The following PZP variants were observed in gnomAD, a reference collection of about 807,000 sequenced individuals.
The protein encoded by PZP is pregnancy zone protein.
A neutral mutation model predicts 179.8 loss-of-function variants in PZP; 150 were observed. That is an observed-to-expected ratio of 0.83 (90% confidence interval 0.73 to 0.96). The LOEUF is 0.96. Ranked by LOEUF, PZP falls within the 40% of genes least tolerant of loss-of-function variation. The probability of loss-of-function intolerance (pLI) is 0.00; values close to 1 mark genes in which losing one functional copy is unlikely to be tolerated. For synonymous variants in PZP, 624 were observed against 652.3 expected, an observed-to-expected ratio of 0.96 and a Z score of 0.66; for missense variants, 1,689 against 1,764.0, an observed-to-expected ratio of 0.96 and a Z score of 0.76.
At chr12:9,206,592 C>G (rs1025494157) in intron 1 of PZP, among the ~76,000 whole-genome samples, 1 of 152,118 alleles carries the variant, frequency 6.6e-6, no homozygotes, top group Admixed American at 6.5e-5. Flanking sequence ...CCCCTGAAAC[C>G]TTCATCTTTC....
rs754562239 is a variant in PZP, at chr12:9,166,085, G to C, written c.2225C>G (p.Pro742Arg). The change falls in exon 18 of 36, where the codon CCT becomes CGT. Residue 742 changes from proline (P) to arginine (R), a missense_variant. Physicochemically the swap from Pro to Arg is moderately radical, Grantham distance 103. Coordinates refer to ENST00000261336, the MANE Select transcript of PZP (RefSeq NM_002864.3). ...CACCAACTCCCAGATCCAAGTCTCA[G>C]GAAAATAGCTTCGCACCGTTTCAGG... ...PVPETVRSYF[P>R]ETWIWELVAV... is the part of the protein sequence containing the mutation. 1 of 1,610,908 alleles carries C rather than the reference G, an allele frequency of 6.2e-7. No individual in the cohort carries two copies. The highest frequency in any genetic ancestry group is 1.1e-5 in the South Asian group (1 of 89,936).
chr12:9,163,110 A>G (rs1418772842), intron 21 of PZP, among the ~76,000 whole-genome samples: 2 of 152,178 alleles, frequency 1.3e-5, no homozygotes, highest in African/African-American at 2.4e-5. Context: ...GGGAAGAGAT[A>G]ATAAGGGCAG....
At chr12:9,137,295 C>T in the PZP span, among the ~76,000 whole-genome samples, 1 of 152,042 alleles carries the variant, frequency 6.6e-6, no homozygotes, top group Admixed American at 6.5e-5. Flanking sequence ...TATCCATTCC[C>T]CCTAGTGTAT....
intron 1 of PZP, 77 bp from the exon 2 acceptor site, chr12:9,204,028 C>T (rs773192525): frequency 7.4e-7 from 1 of 1,346,100 alleles, no homozygotes; most frequent in Non-Finnish European, 1.0e-6. Context: ...GTTTTCATAA[C>T]AATATGTATT....
At chr12:9,154,067 T>C (rs1460113047) in intron 29 of PZP, among the ~76,000 whole-genome samples, 1 of 152,190 alleles carries the variant, frequency 6.6e-6, no homozygotes, top group East Asian at 1.9e-4. Flanking sequence ...TCCAAAAAGA[T>C]CAAAGTGGAT....
intron 1 of PZP, among the ~76,000 whole-genome samples, chr12:9,207,336 A>G (rs187798766): frequency 3.7e-4 from 57 of 152,324 alleles, no homozygotes; most frequent in African/African-American, 1.2e-3. Context: ...CCTATGTGCT[A>G]TTATTGGACC....
intron 15 of PZP, among the ~76,000 whole-genome samples, chr12:9,178,765 G>A (rs1033696453): frequency 6.6e-6 from 1 of 152,164 alleles, no homozygotes; most frequent in Non-Finnish European, 1.5e-5. Flanking sequence ...TGGGTTCAGT[G>A]CTATCCACAG....
chr12:9,182,110 G>A lies in PZP; in HGVS notation c.1554C>T (p.Gly518=), dbSNP rs776031169. ...TLPVESGDMK[G]SFALSFPVES... is the part of the protein sequence containing the mutation. ...CCACAGGGAAGGATAAGGCAAAACT[G>A]CCTTTCACTGGAACATGGAGAGAGT... is the stretch of plus-strand genomic sequence containing the variant. The change falls in exon 14 of 36, where the codon GGC becomes GGT. Residue 518 remains glycine, a synonymous_variant. Coordinates refer to ENST00000261336, the MANE Select transcript of PZP (RefSeq NM_002864.3). 18 of 1,612,944 alleles carry A rather than the reference G, an allele frequency of 1.1e-5. No homozygotes were observed. Among genetic ancestry groups the A allele is most frequent in the Non-Finnish European group, 1.4e-5 (17 of 1,179,622 alleles).
intron 13 of PZP, among the ~76,000 whole-genome samples, chr12:9,182,790 T>C (rs1942855061): frequency 6.6e-6 from 1 of 152,228 alleles, no homozygotes; most frequent in Non-Finnish European, 1.5e-5. Flanking sequence ...CTTGAGTAGA[T>C]GGCCCACATT....
At chr12:9,168,772 T>C in intron 17 of PZP, 97 bp downstream of exon 17, 1 of 893,478 alleles carries the variant, frequency 1.1e-6, no homozygotes, top group Non-Finnish European at 1.8e-6. Context: ...TTTGTGTGTA[T>C]AAAGTGGAAA....
intron 30 of PZP, 41 bp downstream of exon 30, chr12:9,153,084 G>A: frequency 6.2e-7 from 1 of 1,609,716 alleles, no homozygotes; most frequent in Non-Finnish European, 8.5e-7. Flanking sequence ...CAATTGGCAA[G>A]TTTAAAGTTG....
intron 13 of PZP, among the ~76,000 whole-genome samples, chr12:9,186,154 A>G (rs1362628438): frequency 6.6e-6 from 1 of 152,196 alleles, no homozygotes; most frequent in Non-Finnish European, 1.5e-5. Flanking sequence ...ATATCTAGCC[A>G]AACTAAACTT....
intron 13 of PZP, among the ~76,000 whole-genome samples, chr12:9,184,901 A>G (rs1383014385): frequency 1.3e-5 from 2 of 152,218 alleles, no homozygotes; most frequent in African/African-American, 2.4e-5. Flanking sequence ...CTCCAAGGTC[A>G]TCGAATAGGA....
intron 1 of PZP, among the ~76,000 whole-genome samples, chr12:9,206,233 T>C (rs942406171): frequency 1.3e-5 from 2 of 151,856 alleles, no homozygotes; most frequent in African/African-American, 4.8e-5. Flanking sequence ...AGTTCTTTGA[T>C]CTTAATAAGA....
intron 15 of PZP, among the ~76,000 whole-genome samples, chr12:9,172,895 A>G (rs1441321367): frequency 6.6e-6 from 1 of 152,198 alleles, no homozygotes; most frequent in Non-Finnish European, 1.5e-5. Context: ...TTAACACACC[A>G]CTGACAATAT....
chr12:9,187,271 T>C (rs1943187938), intron 13 of PZP, among the ~76,000 whole-genome samples: 1 of 151,946 alleles, frequency 6.6e-6, no homozygotes, highest in African/African-American at 2.4e-5. Context: ...CCACAGACAG[T>C]ATTAGACAGA....
chr12:9,147,963 A>G (rs574260573), downstream of PZP, among the ~76,000 whole-genome samples: 10 of 151,890 alleles, frequency 6.6e-5, no homozygotes, highest in Non-Finnish European at 1.2e-4. Flanking sequence ...GTTTCTGTAG[A>G]TAGGATAATG....
intron 6 of PZP, among the ~76,000 whole-genome samples, 182 bp from the exon 7 acceptor site, chr12:9,200,630 G>C (rs781634755): frequency 6.6e-6 from 1 of 152,272 alleles, no homozygotes; most frequent in Admixed American, 6.5e-5. Flanking sequence ...GACTTCTTGA[G>C]CACAGCGGGT....
At chr12:9,207,107 A>G (rs2121265909) in intron 1 of PZP, among the ~76,000 whole-genome samples, 1 of 152,266 alleles carries the variant, frequency 6.6e-6, no homozygotes, top group South Asian at 2.1e-4. Context: ...TGAACTCCTT[A>G]TTTCTGCTTT....
Sources: gnomAD v4.1 joint callset for allele counts (sites outside exome capture counted in the v4.1 genomes callset) on GRCh38, gnomAD v4.1.1 for gene constraint, MANE v1.5 for transcripts, NCBI Gene and HGNC (gene_info 2026-07-23, HGNC 2026-07-21) for gene names.